Variants in FNDC7 observed in about 807,000 individuals in gnomAD.
FNDC7 encodes the protein fibronectin type III domain-containing protein 7.
A neutral mutation model predicts 74.2 loss-of-function variants in FNDC7; 66 were observed. The ratio of observed to expected loss-of-function variants is 0.89; its 90% CI spans 0.73 to 1.09. The LOEUF (loss-of-function observed/expected upper bound fraction) is 1.09. Among genes scored for constraint, FNDC7 ranks in the 50% least tolerant of loss-of-function variants. The probability of loss-of-function intolerance (pLI) is 0.00; values close to 1 mark genes in which losing one functional copy is unlikely to be tolerated. For synonymous variants in FNDC7, 307 were observed against 330.2 expected (o/e 0.93, Z 0.76); for missense variants, 829 against 893.4 (o/e 0.93, Z 0.92).
At chr1:108,737,416 CT>C (rs762330457) in intron 10 of FNDC7, 78 bp from the exon 11 acceptor site, 38 of 1,323,116 alleles carry the variant, frequency 2.9e-5, no homozygotes, top group Non-Finnish European at 3.9e-5. Context: ...TCCTTTTATT[CT>C]TTCTTAAGTT....
intron 10 of FNDC7, 27 bp downstream of exon 10, chr1:108,733,559 A>G: frequency 1.2e-6 from 2 of 1,604,240 alleles, no homozygotes; most frequent in Non-Finnish European, 1.7e-6. Context: ...CAGTTTATCT[A>G]AAACTAACCC....
In FNDC7 at chr1:108,730,418, GAA is replaced by G. The variant is rs34848956; in HGVS notation, c.1625-246_1625-245del. ...CAACAAAGGATGTCTTTCTTATTCT[GAA>G]AAAAAAAAATGGTGGAAACCTGCAA... On this transcript the variant is annotated intron_variant, in intron 8 of 12. Transcript: ENST00000370017. Among the ~76,000 whole-genome samples the G allele has an allele frequency of 2.4e-3, 348 of 146,512 alleles. 2 individuals are homozygous for G. Among genetic ancestry groups the G allele is most frequent in the African/African-American group, 8.2e-3 (329 of 40,066 alleles).
chr1:108,719,234 T>G lies in FNDC7; in HGVS notation c.598+185T>G, dbSNP rs150073843. On this transcript the variant is annotated intron_variant, in intron 4 of 12. Transcript: ENST00000370017. ...CCTCCTCGGTAGTTTAAACGCTTCC[T>G]GCATGGATAAAGAAATGCTACTCAG... Among the ~76,000 whole-genome samples, 865 of 152,330 alleles carry G rather than the reference T, an allele frequency of 5.7e-3. 6 individuals carry two copies. Among genetic ancestry groups the G allele is most frequent in the Non-Finnish European group, 6.9e-3 (470 of 68,032 alleles).
chr1:108,736,370 C>CTG (rs1249128841), intron 10 of FNDC7, among the ~76,000 whole-genome samples: 7 of 152,156 alleles, frequency 4.6e-5, no homozygotes, highest in Admixed American at 4.6e-4. Context: ...CCCTCTCTCT[C>CTG]TCCCTCCTTT....
intron 8 of FNDC7, among the ~76,000 whole-genome samples, chr1:108,729,293 T>G (rs1367586894): frequency 6.6e-6 from 1 of 152,222 alleles, no homozygotes; most frequent in Non-Finnish European, 1.5e-5. Context: ...CTCACGCCTG[T>G]AATCCCAGCA....
intron 5 of FNDC7, 21 bp downstream of exon 5, chr1:108,722,613 C>T (rs1319128266): frequency 9.4e-6 from 15 of 1,597,766 alleles, no homozygotes; most frequent in South Asian, 2.2e-5. Flanking sequence ...AAGAGTGAGA[C>T]TGCTGTCGGG....
At chr1:108,738,482 GA>G (rs955640967) in intron 11 of FNDC7, among the ~76,000 whole-genome samples, 12 of 152,036 alleles carry the variant, frequency 7.9e-5, no homozygotes, top group African/African-American at 2.9e-4. Context: ...GGGGCCTTAG[GA>G]AAAAATCCCC....
Position 108,712,933 on chromosome 1 carries a change from G to A in FNDC7, c.-1G>A. On this transcript the variant is annotated 5_prime_UTR_variant, in exon 1 of 13. Transcript: ENST00000370017. ...GCCATGTGAGTACTATGTCCAACAG[G>A]ATGGCTGGTGGACGAGAGACATGTT... 1.3e-6 allele frequency: 2 copies of A among 1,551,524 alleles called. No individual in the cohort carries two copies. Among genetic ancestry groups the A allele is most frequent in the South Asian group, 1.2e-5 (1 of 84,056 alleles).
intron 2 of FNDC7, among the ~76,000 whole-genome samples, chr1:108,713,730 G>T (rs186897126): frequency 1.3e-5 from 2 of 152,180 alleles, no homozygotes; most frequent in Non-Finnish European, 2.9e-5. Context: ...GATTGAACTC[G>T]AAAGACAAAT....
At chr1:108,739,674 C>T (rs1301930377) in intron 11 of FNDC7, among the ~76,000 whole-genome samples, 1 of 152,186 alleles carries the variant, frequency 6.6e-6, no homozygotes, top group Non-Finnish European at 1.5e-5. Flanking sequence ...AATGCAGAGG[C>T]CCAGGTCCTG....
chr1:108,733,516 A>G lies in FNDC7; in HGVS notation c.2124A>G (p.Pro708=). The part of the protein sequence containing the change: ...AKTGLKLTFC[P]KKIYSVTCSG... Reference sequence around the variant, plus strand: ...CAGGATTGAAGCTTACTTTCTGTCCAAAAAAAATATATTCAGGTAAAGCAA... The same window carrying G: ...CAGGATTGAAGCTTACTTTCTGTCCGAAAAAAATATATTCAGGTAAAGCAA... The change falls in exon 10 of 13, where the codon CCA becomes CCG. Residue 708 remains proline, a synonymous_variant. Transcript: ENST00000370017. 1 of 1,600,044 alleles carries G rather than the reference A, an allele frequency of 6.2e-7. No homozygotes were observed. Among genetic ancestry groups the G allele is most frequent in the Non-Finnish European group, 8.6e-7 (1 of 1,169,468 alleles).
chr1:108,718,732 T>G (rs1297666163), intron 3 of FNDC7, 57 bp from the exon 4 acceptor site: 1 of 1,517,946 alleles, frequency 6.6e-7, no homozygotes, highest in Non-Finnish European at 8.9e-7. Flanking sequence ...CTTCTAAATT[T>G]GAATTATCCT....
chr1:108,722,659 T>C, intron 5 of FNDC7, 67 bp downstream of exon 5: 1 of 1,487,678 alleles, frequency 6.7e-7, no homozygotes, highest in South Asian at 1.4e-5. Flanking sequence ...AGACGTTCAC[T>C]GACAATGTTT....
intron 7 of FNDC7, 78 bp downstream of exon 7, chr1:108,728,143 T>C: frequency 6.6e-7 from 1 of 1,516,302 alleles, no homozygotes; most frequent in Non-Finnish European, 9.0e-7. Context: ...GGGCATTCAG[T>C]GAGACCAATA....
chr1:108,717,739 G>A, intron 2 of FNDC7, 38 bp from the exon 3 acceptor site: 1 of 1,541,816 alleles, frequency 6.5e-7, no homozygotes, highest in South Asian at 1.2e-5. Flanking sequence ...ATCCTCGTAG[G>A]TATCTTGGCT....
chr1:108,737,104 T>A (rs1661533644), intron 10 of FNDC7, among the ~76,000 whole-genome samples: 1 of 151,742 alleles, frequency 6.6e-6, no homozygotes, highest in Non-Finnish European at 1.5e-5. Context: ...GTAGCTGGGA[T>A]TACAGGTGTG....
In FNDC7 at chr1:108,727,890, C is replaced by T. The variant is rs200963426; in HGVS notation, c.1194C>T (p.Ala398=). 2.2e-4 allele frequency: 363 copies of T among 1,614,048 alleles called. 4 individuals carry two copies. In the East Asian group the frequency reaches 7.4e-3, roughly 33 times the overall value. The change falls in exon 7 of 13, where the codon GCC becomes GCT. Residue 398 remains alanine (A), a synonymous_variant. Transcript: ENST00000370017. ...TTGTCTGGTCTCCTGTCCGTGGTGCCGAACTGTATGAAACCAAGGCTGTAG... is the reference window on the plus strand; with the variant it reads ...TTGTCTGGTCTCCTGTCCGTGGTGCTGAACTGTATGAAACCAAGGCTGTAG... ...VEIVWSPVRG[A]ELYETKAVDG...
chr1:108,731,399 GTTC>G (rs1661350178), intron 9 of FNDC7, among the ~76,000 whole-genome samples: 1 of 152,208 alleles, frequency 6.6e-6, no homozygotes, highest in Non-Finnish European at 1.5e-5. Flanking sequence ...ATTGTACCTT[GTTC>G]TTCACAAAGA....
intron 2 of FNDC7, among the ~76,000 whole-genome samples, chr1:108,714,360 A>G (rs1250889594): frequency 6.6e-6 from 1 of 152,224 alleles, no homozygotes; most frequent in Non-Finnish European, 1.5e-5. Context: ...AAATTCATGC[A>G]TATACAGTAA....
Sources: allele counts gnomAD v4.1 joint callset (sites outside exome capture counted in the v4.1 genomes callset), GRCh38; gene constraint gnomAD v4.1.1; transcripts MANE v1.5; gene names NCBI Gene and HGNC (gene_info 2026-07-23, HGNC 2026-07-21).